TCN2: variants seen among roughly 807,000 people sequenced by gnomAD.
TCN2 encodes transcobalamin-2.
Under a neutral mutation model 48.6 loss-of-function variants are expected in TCN2, and 34 were observed. That is an observed-to-expected ratio of 0.70 (90% CI 0.53 to 0.93). The LOEUF is 0.93. Among genes scored for constraint, TCN2 ranks in the 40% least tolerant of loss-of-function variants. The pLI, the probability that TCN2 is intolerant of heterozygous loss-of-function variation, is 0.00. For missense variants in TCN2, 652 were observed against 526.1 expected, an observed-to-expected ratio of 1.24 and a Z score of -2.34; for synonymous variants, 283 against 212.5, an observed-to-expected ratio of 1.33 and a Z score of -2.89.
In TCN2 at chr22:30,623,965, C is replaced by CACACACATATGTATATATAT. The variant is rs2087758805; in HGVS notation, c.1222+892_1222+893insGTATATATATACACACATAT. Among the ~76,000 whole-genome samples the CACACACATATGTATATATAT allele has an allele frequency of 1.4e-3, 26 of 18,554 alleles. 8 individuals carry two copies. Among genetic ancestry groups the CACACACATATGTATATATAT allele is most frequent in the Non-Finnish European group, 2.1e-3 (22 of 10,576 alleles). The allele number at this position is 18,554 out of a possible 152,430, so 12.2% of individuals were successfully genotyped here. ...ACACACACATATGTATACATATATA[C>CACACACATATGTATATATAT]ACACACATATATATGTATACATATA... is the stretch of plus-strand genomic sequence containing the variant. On this transcript the variant is annotated intron_variant, in intron 8 of 8. Coordinates refer to ENST00000215838, the MANE Select transcript of TCN2 (RefSeq NM_000355.4).
At chr22:30,611,361 C>T (rs1464234723) in intron 2 of TCN2, among the ~76,000 whole-genome samples, 1 of 152,194 alleles carries the variant, frequency 6.6e-6, no homozygotes, top group Non-Finnish European at 1.5e-5. Context: ...CTCTATGCTC[C>T]CTTAGTGTGC....
At chr22:30,620,159 A>T (rs771257486) in intron 7 of TCN2, among the ~76,000 whole-genome samples, 2,035 of 149,662 alleles carry the variant, frequency 0.014, 24 homozygotes, top group Non-Finnish European at 0.021. Context: ...TTTTTTTTTT[A>T]AAAGACAAAG....
chr22:30,607,283 C>T lies in TCN2; in HGVS notation c.-49C>T. The T allele has an allele frequency of 1.2e-6, 2 of 1,609,854 alleles. No individual in the cohort carries two copies. Among genetic ancestry groups the T allele is most frequent in the Non-Finnish European group, 1.7e-6 (2 of 1,176,188 alleles). On this transcript the variant is annotated 5_prime_UTR_variant, in exon 1 of 9. Transcript: ENST00000215838. ...AGGAGAGCCTCAGCAGGGCCAGCCC[C>T]AGGAGTCTTTCCCGATTCTTGCTCA...
chr22:30,611,252 C>T (rs567736598), intron 2 of TCN2, 189 bp downstream of exon 2: 4 of 699,402 alleles, frequency 5.7e-6, no homozygotes, highest in African/African-American at 1.8e-5. Flanking sequence ...GATGCTAATG[C>T]AAGGCTCCTT....
Position 30,607,233 on chromosome 22 carries a change from C to T in TCN2, c.-99C>T. On this transcript the variant is annotated 5_prime_UTR_variant, in exon 1 of 9. Coordinates refer to ENST00000215838, the MANE Select transcript of TCN2 (RefSeq NM_000355.4). ...TAATCAGTGACAGGAAGCTGCGTCT[C>T]TCGGAGCGGTGACCAGCTGTGGTCA... is the stretch of plus-strand genomic sequence containing the variant. 1.5e-6 allele frequency: 2 copies of T among 1,305,006 alleles called. No homozygotes were observed. The highest frequency in any genetic ancestry group is 2.2e-6 in the Non-Finnish European group (2 of 900,812). 80.8% of individuals were successfully genotyped at this position (1,305,006 alleles called of 1,614,324 possible). A position where few individuals can be genotyped will look rare whatever the true frequency, so the allele number is the denominator to read the frequency against.
chr22:30,626,357 A>G (rs2087809614), intron 8 of TCN2, 103 bp from the exon 9 acceptor site: 11 of 1,266,278 alleles, frequency 8.7e-6, no homozygotes, highest in Non-Finnish European at 1.1e-5. Flanking sequence ...CCCCAGGTGG[A>G]TTCTTACAGA....
At chr22:30,619,038 G>A (rs931315287) in intron 7 of TCN2, among the ~76,000 whole-genome samples, 9 of 152,148 alleles carry the variant, frequency 5.9e-5, no homozygotes, top group African/African-American at 9.7e-5. Context: ...CCAAAGTGCC[G>A]GGATTACAGG....
At position 30,615,293 on chromosome 22, in the gene TCN2, A is replaced by C. The variant is rs7290898; in HGVS notation, c.581-8A>C. 0.042 allele frequency: 68,200 copies of C among 1,613,694 alleles called. 6,231 individuals are homozygous for C. Among genetic ancestry groups the C allele is most frequent in the African/African-American group, 0.3 (22,690 of 74,864 alleles). On this transcript the variant is annotated splice_region_variant and splice_polypyrimidine_tract_variant and intron_variant, in intron 4 of 8. Coordinates refer to ENST00000215838, the MANE Select transcript of TCN2 (RefSeq NM_000355.4). ...CAGCTCATTGCATGTTCTGTCCCCCACTTCAAGACACAGCAGCCATGGCAG... is the reference window on the plus strand; with the variant it reads ...CAGCTCATTGCATGTTCTGTCCCCCCCTTCAAGACACAGCAGCCATGGCAG...
chr22:30,620,183 G>A (rs1458037384), intron 7 of TCN2, among the ~76,000 whole-genome samples: 2 of 151,648 alleles, frequency 1.3e-5, no homozygotes, highest in Non-Finnish European at 2.9e-5. Flanking sequence ...TGAGTGTGAT[G>A]GCTAACACCT....
chr22:30,607,432 C>T lies in TCN2; in HGVS notation c.64+37C>T, dbSNP rs1182628031. 6 of 1,612,702 alleles carry T rather than the reference C, an allele frequency of 3.7e-6. No homozygotes were observed. In the African/African-American group the frequency reaches 8.0e-5, roughly 22 times the overall value. On this transcript the variant is annotated intron_variant, in intron 1 of 8. Transcript: ENST00000215838. ...GCCTCTATCCTGTGCCTCTTTCCTCCTGGGTCCTTAGTGGGGTGGCTAGGG... is the reference window on the plus strand; with the variant it reads ...GCCTCTATCCTGTGCCTCTTTCCTCTTGGGTCCTTAGTGGGGTGGCTAGGG...
In TCN2 at chr22:30,625,721, C is replaced by T. The variant is rs146338290; in HGVS notation, c.1223-739C>T. 3.6e-4 allele frequency among the ~76,000 whole-genome samples: 55 copies of T among 152,270 alleles called. No homozygotes were observed. The East Asian group carries it at 6.4e-3, about 18-fold the overall frequency. On this transcript the variant is annotated intron_variant, in intron 8 of 8. Transcript: ENST00000215838. ...TCAAGTGATCTGCCTGCCTTGGCCT[C>T]CCAAAGTGCTGGGATTCTAGGTATG...
intron 3 of TCN2, among the ~76,000 whole-genome samples, chr22:30,613,528 C>T (rs556014239): frequency 1.3e-5 from 2 of 152,278 alleles, no homozygotes; most frequent in South Asian, 4.1e-4. Context: ...ATCCGCTTGC[C>T]TTAGCCTCCG....
At position 30,626,857 on chromosome 22, in the gene TCN2, T is replaced by C. The variant is rs1042482497; in HGVS notation, c.*336T>C. ...AAACGGAGTCCGCAGGCCGCAGGTGTTGTGAAGACCACTCGTTCTGTGGTT... is the reference window on the plus strand; with the variant it reads ...AAACGGAGTCCGCAGGCCGCAGGTGCTGTGAAGACCACTCGTTCTGTGGTT... On this transcript the variant is annotated 3_prime_UTR_variant, in exon 9 of 9. Transcript: ENST00000215838. The C allele has an allele frequency of 4.6e-6, 2 of 430,830 alleles. No homozygotes were observed. The highest frequency in any genetic ancestry group is 8.7e-6 in the Non-Finnish European group (2 of 229,632). 26.7% of individuals were successfully genotyped at this position (430,830 alleles called of 1,614,324 possible).
chr22:30,623,251 T>G (rs1212291933), intron 8 of TCN2, 168 bp downstream of exon 8: 1 of 588,550 alleles, frequency 1.7e-6, no homozygotes, highest in South Asian at 2.3e-5. Flanking sequence ...GCCTTAGAAT[T>G]TTTATGCAAG....
Position 30,617,366 on chromosome 22 carries a change from C to T in TCN2, c.977C>T (p.Thr326Ile), listed in dbSNP as rs1267319234. ...CCAGCTGCTGAGACCATTCCTCAGA[C>T]CCAAGAGATCATCAGTGTCACGCTG... ...LEPAAETIPQTQEIISVTLQV... is the reference protein window; with the variant it reads ...LEPAAETIPQIQEIISVTLQV... Residue 326 changes from threonine (T) to isoleucine (I), a missense_variant, in exon 7 of 9, where the codon ACC becomes ATC. Transcript: ENST00000215838. 3 of 1,614,024 alleles carry T rather than the reference C, an allele frequency of 1.9e-6. No homozygotes were observed. The highest frequency in any genetic ancestry group is 3.3e-5 in the Admixed American group (2 of 59,982).
intron 1 of TCN2, among the ~76,000 whole-genome samples, chr22:30,609,102 C>T (rs760014166): frequency 6.6e-6 from 1 of 151,426 alleles, no homozygotes; most frequent in Non-Finnish European, 1.5e-5. Context: ...TGACAGGGAT[C>T]GCTGCACAAA....
At chr22:30,616,782 C>T (rs910816783) in intron 6 of TCN2, among the ~76,000 whole-genome samples, 15 of 152,138 alleles carry the variant, frequency 9.9e-5, no homozygotes, top group African/African-American at 3.1e-4. Flanking sequence ...GCCTGGGCGA[C>T]AGTGTGAGAC....
At position 30,607,186 on chromosome 22, in the gene TCN2, GT is replaced by G; in HGVS notation, c.-145del. On this transcript the variant is annotated 5_prime_UTR_variant, in exon 1 of 9. Coordinates refer to ENST00000215838, the MANE Select transcript of TCN2 (RefSeq NM_000355.4). Reference sequence around the variant, plus strand: ...GCCCCACCCCTCTGCAGACTTAGCCGTGCATTGCAGGCATGGAGGATTAATC... The same window carrying G: ...GCCCCACCCCTCTGCAGACTTAGCCGGCATTGCAGGCATGGAGGATTAATC... 1.3e-6 allele frequency: 1 copy of G among 750,998 alleles called. No individual in the cohort carries two copies. The highest frequency in any genetic ancestry group is 1.8e-5 in the African/African-American group (1 of 56,980). The allele number at this position is 750,998 out of a possible 1,614,324, so 46.5% of individuals were successfully genotyped here. A position where few individuals can be genotyped will look rare whatever the true frequency, so the allele number is the denominator to read the frequency against.
chr22:30,620,980 C>A (rs967521963), intron 7 of TCN2, among the ~76,000 whole-genome samples: 1 of 151,228 alleles, frequency 6.6e-6, no homozygotes, highest in Non-Finnish European at 1.5e-5. Flanking sequence ...AAAGTCACCC[C>A]AAATAGGGTG....
Sources: gnomAD v4.1 joint callset for allele counts (sites outside exome capture counted in the v4.1 genomes callset) on GRCh38, gnomAD v4.1.1 for gene constraint, MANE v1.5 for transcripts, NCBI Gene and HGNC (gene_info 2026-07-23, HGNC 2026-07-21) for gene names.